MYH7: variants seen among roughly 807,000 people sequenced by gnomAD.
The protein encoded by MYH7 is myosin-7.
Under a neutral mutation model 225.4 loss-of-function variants are expected in MYH7, and 129 were observed. The observed-to-expected ratio is 0.57, with a 90% CI of 0.50 to 0.66. The LOEUF is 0.66. MYH7 is among the 30% of genes least tolerant of loss of function. The pLI, the probability that MYH7 is intolerant of heterozygous loss-of-function variation, is 0.00. For synonymous variants in MYH7, 971 were observed against 1,007.6 expected, an observed-to-expected ratio of 0.96 and a Z score of 0.69; for missense variants, 1,649 against 2,517.0, an observed-to-expected ratio of 0.66 and a Z score of 7.38.
rs985043462 is a variant in MYH7, at chr14:23,433,288, G to T, written c.202-61C>A. On this transcript the variant is annotated intron_variant, in intron 3 of 39. Transcript: ENST00000355349. The surrounding 1 kb of genome is among the most constrained non-coding windows in gnomAD (Gnocchi z 4.1). ...TGGGCTTTCCCTCCTTCCTCAAGAG[G>T]GTTAGGAGTTGGTGAGTGACAGGGC... 42 of 1,611,686 alleles carry T rather than the reference G, an allele frequency of 2.6e-5. No homozygotes were observed. The highest frequency in any genetic ancestry group is 2.2e-4 in the Admixed American group (13 of 59,762).
Position 23,416,075 on chromosome 14 carries a change from G to T in MYH7, c.4882C>A (p.Gln1628Lys), listed in dbSNP as rs1394145113. ...MEGDLNEMEIQLSHANRMAAE... is the reference protein window; with the variant it reads ...MEGDLNEMEIKLSHANRMAAE... ...GCCATGCGGTTGGCGTGGCTGAGCT[G>T]GATCTCCATCTCATTGAGGTCTCCT... The change falls in exon 34 of 40, where the codon CAG becomes AAG. Residue 1628 changes from glutamine to lysine, a missense_variant. Around this residue, in one of 12 missense-constraint regions of MYH7, gnomAD observed 687 missense variants for 913.8 expected, o/e 0.75. Transcript: ENST00000355349. 1.2e-6 allele frequency: 2 copies of T among 1,614,208 alleles called. No homozygotes were observed. The highest frequency in any genetic ancestry group is 2.2e-5 in the South Asian group (2 of 91,082).
At chr14:23,423,301 G>T (rs1303249698) in intron 24 of MYH7, among the ~76,000 whole-genome samples, 3 of 152,046 alleles carry the variant, frequency 2.0e-5, no homozygotes, top group African/African-American at 7.2e-5. Flanking sequence ...CTCTATTATT[G>T]ATCATACCAG....
At position 23,435,605 on chromosome 14, in the gene MYH7, A is replaced by T. The variant is rs1231673146; in HGVS notation, c.-65+15T>A. 6.6e-6 allele frequency: 1 copy of T among 152,380 alleles called. No individual in the cohort carries two copies. The highest frequency in any genetic ancestry group is 6.5e-5 in the Admixed American group (1 of 15,282). 9.4% of individuals were successfully genotyped at this position (152,380 alleles called of 1,614,324 possible). ...CCCCTTATCCCAGAGTAAAGCCTCC[A>T]GCTCCCGCTCCTACCTGAGAGCAGC... On this transcript the variant is annotated intron_variant, in intron 1 of 39. Transcript: ENST00000355349.
At position 23,412,977 on chromosome 14, in the gene MYH7, T is replaced by G. The variant is rs7149517; in HGVS notation, c.5791-106A>C. ...GGGGTCTGATGGTGGGGGGCCTGCT[T>G]TGTGGGCAGGTGGAAGCCCCTGTGG... On this transcript the variant is annotated intron_variant, in intron 39 of 39. Transcript: ENST00000355349. The G allele has an allele frequency of 0.35, 418,438 of 1,181,558 alleles. 81,528 individuals carry two copies. The highest frequency in any genetic ancestry group is 0.68 in the African/African-American group (45,017 of 66,362). The allele number at this position is 1,181,558 out of a possible 1,614,324, so 73.2% of individuals were successfully genotyped here.
chr14:23,413,961 C>T (rs765033010), intron 38 of MYH7, 46 bp downstream of exon 38: 48 of 1,614,026 alleles, frequency 3.0e-5, no homozygotes, highest in Non-Finnish European at 3.9e-5. Context: ...GGGGGACGAG[C>T]TCTCCTATGC....
In MYH7 at chr14:23,431,411, C is replaced by T. The variant is rs369286647; in HGVS notation, c.796+7G>A. 68 of 1,613,822 alleles carry T rather than the reference C, an allele frequency of 4.2e-5. No individual in the cohort carries two copies. In the African/African-American group the frequency reaches 7.9e-4, roughly 19 times the overall value. The stretch of plus-strand genomic sequence containing the variant: ...TAGGCTGAGCCTAGCAGATTCATGG[C>T]ACTCACAGGTCTCTATGTCTGCAGA... On this transcript the variant is annotated splice_region_variant and intron_variant, in intron 9 of 39. Transcript: ENST00000355349.
intron 39 of MYH7, 152 bp downstream of exon 39, chr14:23,413,607 G>T: frequency 2.6e-4 from 215 of 821,032 alleles, no homozygotes; most frequent in Non-Finnish European, 3.8e-4. Context: ...AAGAATCCTT[G>T]AAATCACAGA....
At position 23,415,318 on chromosome 14, in the gene MYH7, A is replaced by G. The variant is rs780938189; in HGVS notation, c.5284-48T>C. ...ACATGGTCTGGTCAAGTCCTCACACACTTGCTGCCCAGCCCACGGAGAGAC... is the reference window on the plus strand; with the variant it reads ...ACATGGTCTGGTCAAGTCCTCACACGCTTGCTGCCCAGCCCACGGAGAGAC... On this transcript the variant is annotated intron_variant, in intron 36 of 39. Transcript: ENST00000355349. This position sits in a 1 kb window ranked among gnomAD's most constrained non-coding sequence, Gnocchi z 6.3. The G allele has an allele frequency of 6.2e-6, 10 of 1,614,088 alleles. No homozygotes were observed. The highest frequency in any genetic ancestry group is 6.8e-6 in the Non-Finnish European group (8 of 1,180,018).
chr14:23,424,184 G>T (rs1302410026), intron 22 of MYH7, 35 bp from the exon 23 acceptor site: 1 of 1,613,334 alleles, frequency 6.2e-7, no homozygotes. Context: ...GCTGTTCAGG[G>T]GGTAAGGTCC....
Position 23,433,355 on chromosome 14 carries a change from G to A in MYH7, c.202-128C>T. On this transcript the variant is annotated intron_variant, in intron 3 of 39. Transcript: ENST00000355349. The surrounding 1 kb of genome is among the most constrained non-coding windows in gnomAD (Gnocchi z 4.1). ...GAAGGAACCAGGATCTCACAGGGAA[G>A]ACAGAAGGGATATTGGGAAGGAGAG... The A allele has an allele frequency of 6.8e-7, 1 of 1,479,508 alleles. No individual in the cohort carries two copies. Among genetic ancestry groups the A allele is most frequent in the Admixed American group, 1.8e-5 (1 of 54,212 alleles). The allele number at this position is 1,479,508 out of a possible 1,614,324, so 91.6% of individuals were successfully genotyped here.
At chr14:23,427,940 G>T (rs763361477) in intron 15 of MYH7, 46 bp from the exon 16 acceptor site, 1 of 1,609,854 alleles carries the variant, frequency 6.2e-7, no homozygotes. Context: ...TCACACAGGT[G>T]GACATGGATT....
chr14:23,422,482 C>T (rs1892514064), intron 24 of MYH7, among the ~76,000 whole-genome samples, 157 bp from the exon 25 acceptor site: 1 of 152,062 alleles, frequency 6.6e-6, no homozygotes, highest in South Asian at 2.1e-4. Flanking sequence ...GTGAGATTGC[C>T]TAGATATAGG....
rs730880797 is a variant in MYH7, at chr14:23,416,863, C to A, written c.4644+5G>T. 2.5e-6 allele frequency: 4 copies of A among 1,614,178 alleles called. No individual in the cohort carries two copies. The highest frequency in any genetic ancestry group is 2.7e-5 in the African/African-American group (2 of 75,064). On this transcript the variant is annotated splice_donor_5th_base_variant and intron_variant, in intron 33 of 39. Transcript: ENST00000355349. ...CTGCACCCCGTGCCCTGCACACACA[C>A]ACACCTCGGCCTCCTCCAGGGCTGA...
rs933857323 is a variant in MYH7, at chr14:23,420,970, G to A, written c.3324C>T (p.Leu1108=). 4 of 1,612,120 alleles carry A rather than the reference G, an allele frequency of 2.5e-6. No homozygotes were observed. Among genetic ancestry groups the A allele is most frequent in the Non-Finnish European group, 2.5e-6 (3 of 1,179,958 alleles). Residue 1108 remains leucine (L), a synonymous_variant, in exon 26 of 40, where the codon CTC becomes CTT. Coordinates refer to ENST00000355349, the MANE Select transcript of MYH7 (RefSeq NM_000257.4). ...QALGSQLQKK[L]KELQARIEEL... ...GTCCAGACCTCACCTGAAGCTCCTT[G>A]AGCTTCTTCTGCAGCTGGCTGCCGA...
chr14:23,429,723 G>C (rs1021754908), intron 12 of MYH7, 52 bp downstream of exon 12: 1 of 1,600,886 alleles, frequency 6.2e-7, no homozygotes, highest in Admixed American at 1.7e-5. Context: ...CTGCTGAGCA[G>C]ACATGGCCCT....
intron 1 of MYH7, 38 bp from the exon 2 acceptor site, chr14:23,434,287 GC>G: frequency 2.0e-6 from 2 of 996,850 alleles, no homozygotes; most frequent in Non-Finnish European, 2.4e-6. Flanking sequence ...GGCAGGCTGT[GC>G]CCAACCTGAC....
intron 4 of MYH7, 30 bp from the exon 5 acceptor site, chr14:23,432,825 C>T: frequency 1.9e-6 from 3 of 1,613,880 alleles, no homozygotes; most frequent in Non-Finnish European, 2.5e-6. Flanking sequence ...AGTGACTTGC[C>T]AGTTGCGAAG....
chr14:23,425,207 CT>C lies in MYH7; in HGVS notation c.2423+74del. On this transcript the variant is annotated intron_variant, in intron 21 of 39. Transcript: ENST00000355349. This position sits in a 1 kb window ranked among gnomAD's most constrained non-coding sequence, Gnocchi z 4.6. Reference sequence around the variant, plus strand: ...TCTCTGTGTTTGAAGATCTGCTGAGCTTTTTTTCCTGACACTGCCCCTGAAC... The same window carrying C: ...TCTCTGTGTTTGAAGATCTGCTGAGCTTTTTTCCTGACACTGCCCCTGAAC... 2 of 1,612,642 alleles carry C rather than the reference CT, an allele frequency of 1.2e-6. No individual in the cohort carries two copies. Among genetic ancestry groups the C allele is most frequent in the Admixed American group, 1.7e-5 (1 of 59,946 alleles).
At position 23,429,337 on chromosome 14, in the gene MYH7, C is replaced by T. The variant is rs1378946537; in HGVS notation, c.1149G>A (p.Lys383=). Reference sequence around the variant, plus strand: ...AGTTCAGCCCCATGAGGTAGGCAGACTTGTCAGCCTCTGGAAGGAAAAGGC... The same window carrying T: ...AGTTCAGCCCCATGAGGTAGGCAGATTTGTCAGCCTCTGGAAGGAAAAGGC... ...AEPDGTEEAD[K]SAYLMGLNSA... The change falls in exon 13 of 40, where the codon AAG becomes AAA. Residue 383 remains lysine, a synonymous_variant. Transcript: ENST00000355349. The T allele has an allele frequency of 6.2e-7, 1 of 1,614,172 alleles. No individual in the cohort carries two copies. Among genetic ancestry groups the T allele is most frequent in the Admixed American group, 1.7e-5 (1 of 60,024 alleles).
Sources: allele counts gnomAD v4.1 joint callset (sites outside exome capture counted in the v4.1 genomes callset), GRCh38; gene constraint gnomAD v4.1.1; regional missense constraint gnomAD v4.1.1; non-coding constraint Gnocchi (gnomAD v3.1); transcripts MANE v1.5; gene names NCBI Gene and HGNC (gene_info 2026-07-23, HGNC 2026-07-21).